COQ8A: variants seen among roughly 807,000 people sequenced by gnomAD.
COQ8A encodes the protein atypical kinase COQ8A, mitochondrial.
COQ8A carries 51 observed loss-of-function variants against 65.0 expected under a neutral mutation model. The ratio of observed to expected loss-of-function variants is 0.78; its 90% CI spans 0.63 to 0.99. COQ8A has a LOEUF of 0.99. Among genes scored for constraint, COQ8A ranks in the 50% least tolerant of loss-of-function variants. The probability of loss-of-function intolerance (pLI) is 0.00; values close to 1 mark genes in which losing one functional copy is unlikely to be tolerated. For missense variants in COQ8A, 940 were observed against 875.0 expected (o/e 1.07, Z -0.94); for synonymous variants, 371 against 353.2 (o/e 1.05, Z -0.57).
chr1:226,970,930 T>G (rs1558195074), intron 4 of COQ8A, among the ~76,000 whole-genome samples: 1 of 152,098 alleles, frequency 6.6e-6, no homozygotes, highest in Non-Finnish European at 1.5e-5. Flanking sequence ...CTTTTAGTTT[T>G]TATTTATTTT....
intron 5 of COQ8A, among the ~76,000 whole-genome samples, chr1:226,979,319 C>T (rs893032714): frequency 2.0e-5 from 3 of 152,210 alleles, no homozygotes; most frequent in South Asian, 2.1e-4. Context: ...GAGTCCCTGC[C>T]GCCTTCTGCC....
chr1:226,984,089 C>T lies in COQ8A; in HGVS notation c.1257-5C>T, dbSNP rs757052741. ...GCTAGGGCGTGACCTCCCTCCCCTACCCAGGGACCTGCTGAAGGGCCACCC... is the reference window on the plus strand; with the variant it reads ...GCTAGGGCGTGACCTCCCTCCCCTATCCAGGGACCTGCTGAAGGGCCACCC... On this transcript the variant is annotated splice_region_variant and splice_polypyrimidine_tract_variant and intron_variant, in intron 10 of 14. Coordinates refer to ENST00000366777, the MANE Select transcript of COQ8A (RefSeq NM_020247.5). The T allele has an allele frequency of 1.9e-6, 3 of 1,613,248 alleles. No homozygotes were observed. Among genetic ancestry groups the T allele is most frequent in the African/African-American group, 1.3e-5 (1 of 74,916 alleles).
chr1:226,956,158 A>T (rs1391808842), intron 1 of COQ8A, among the ~76,000 whole-genome samples: 1 of 98,110 alleles, frequency 1.0e-5, no homozygotes, highest in Admixed American at 1.0e-4. Flanking sequence ...TCCCTGGTTC[A>T]CACTCTCCCT....
Position 226,965,330 on chromosome 1 carries a change from G to C in COQ8A, c.508G>C (p.Val170Leu), listed in dbSNP as rs772022130. 2.5e-6 allele frequency: 4 copies of C among 1,613,472 alleles called. No individual in the cohort carries two copies. The highest frequency in any genetic ancestry group is 1.3e-5 in the African/African-American group (1 of 74,956). The change falls in exon 3 of 15, where the codon GTT becomes CTT. Residue 170 changes from valine to leucine, a missense_variant. Coordinates refer to ENST00000366777, the MANE Select transcript of COQ8A (RefSeq NM_020247.5). ...RRFFHQDQSPVGGLTAEDIEK... is the reference protein window; with the variant it reads ...RRFFHQDQSPLGGLTAEDIEK... ...GTTCTTCCACCAGGACCAATCCCCTGTTGGGGGCCTCACAGCCGAGGACAT... is the reference window on the plus strand; with the variant it reads ...GTTCTTCCACCAGGACCAATCCCCTCTTGGGGGCCTCACAGCCGAGGACAT...
Position 226,965,000 on chromosome 1 carries a change from G to A in COQ8A, c.178G>A (p.Gly60Ser), listed in dbSNP as rs369252071. 6.2e-7 allele frequency: 1 copy of A among 1,613,910 alleles called. No individual in the cohort carries two copies. The highest frequency in any genetic ancestry group is 1.3e-5 in the African/African-American group (1 of 75,056). The change falls in exon 3 of 15, where the codon GGT (glycine) becomes AGT (serine). Residue 60 changes from glycine to serine, a missense_variant and splice_region_variant. Coordinates refer to ENST00000366777, the MANE Select transcript of COQ8A (RefSeq NM_020247.5). ...TAATGCTGGCCTTTGCTCCCTGCAGGGTCAGGATAAACATGAAGAATATTT... is the reference window on the plus strand; with the variant it reads ...TAATGCTGGCCTTTGCTCCCTGCAGAGTCAGGATAAACATGAAGAATATTT... ...QIGMFLGKVQ[G>S]QDKHEEYFAE... is the part of the protein sequence containing the mutation.
intron 1 of COQ8A, among the ~76,000 whole-genome samples, chr1:226,952,209 G>T (rs547654602): frequency 1.3e-5 from 2 of 152,258 alleles, no homozygotes; most frequent in South Asian, 2.1e-4. Context: ...CATCCGCCTG[G>T]TGGCCTGTTA....
At chr1:226,958,199 T>C (rs1657927830) in intron 1 of COQ8A, 3 of 152,116 alleles carry the variant, frequency 2.0e-5, no homozygotes, top group Admixed American at 2.0e-4. Context: ...GCCATCGCCA[T>C]AGTATAGCCA....
At chr1:226,982,615 C>G (rs1456284320) in intron 6 of COQ8A, 63 bp from the exon 7 acceptor site, 1 of 1,571,534 alleles carries the variant, frequency 6.4e-7, no homozygotes, top group Admixed American at 1.7e-5. Flanking sequence ...AGTGTGCCCG[C>G]CCAGGTCCTG....
intron 11 of COQ8A, 76 bp from the exon 12 acceptor site, chr1:226,984,472 G>T: frequency 7.2e-7 from 1 of 1,396,584 alleles, no homozygotes; most frequent in Non-Finnish European, 1.0e-6. Context: ...GGAGGCAGGG[G>T]CTTCTCTGGC....
chr1:226,974,316 A>G (rs1659064233), intron 4 of COQ8A, among the ~76,000 whole-genome samples: 1 of 152,232 alleles, frequency 6.6e-6, no homozygotes, highest in South Asian at 2.1e-4. Context: ...TTCCTGGAAC[A>G]GGCCAGGAGG....
Position 226,985,243 on chromosome 1 carries a change from C to G in COQ8A, c.1573-11C>G. On this transcript the variant is annotated splice_polypyrimidine_tract_variant and intron_variant, in intron 13 of 14. Coordinates refer to ENST00000366777, the MANE Select transcript of COQ8A (RefSeq NM_020247.5). ...ATGCTGCCCACGGTCCCCTCCTGTG[C>G]CTCTCCCCAGATCATCAGGGCTGCT... The G allele has an allele frequency of 6.2e-7, 1 of 1,613,002 alleles. No homozygotes were observed. The highest frequency in any genetic ancestry group is 8.5e-7 in the Non-Finnish European group (1 of 1,179,842).
chr1:226,941,606 A>G (rs1656696836), intron 1 of COQ8A, among the ~76,000 whole-genome samples: 1 of 140,320 alleles, frequency 7.1e-6, no homozygotes, highest in Non-Finnish European at 1.5e-5. Context: ...GTCTCTACCG[A>G]AAAAAAAAAA....
intron 14 of COQ8A, 73 bp from the exon 15 acceptor site, chr1:226,986,380 A>C: frequency 1.3e-6 from 2 of 1,532,816 alleles, no homozygotes; most frequent in Non-Finnish European, 1.8e-6. Context: ...CGCCCCGGGC[A>C]CTGTGGGAGG....
intron 5 of COQ8A, among the ~76,000 whole-genome samples, chr1:226,981,479 C>T (rs1002118243): frequency 6.6e-6 from 1 of 152,234 alleles, no homozygotes; most frequent in Non-Finnish European, 1.5e-5. Flanking sequence ...GAGACGGGCA[C>T]CCCTGGGCTG....
rs1657062842 is a variant in COQ8A at position 226,946,643 on chromosome 1, T to G, written c.-10+6244T>G. Reference sequence around the variant, plus strand: ...TTGTTGTCTGTCTAGGATTGCCCCTTGTCTGGGTTAACTGGGTGATTTTAA... The same window carrying G: ...TTGTTGTCTGTCTAGGATTGCCCCTGGTCTGGGTTAACTGGGTGATTTTAA... On this transcript the variant is annotated intron_variant, in intron 1 of 14. Transcript: ENST00000366777. The surrounding 1 kb of genome is among the most constrained non-coding windows in gnomAD (Gnocchi z 5.3). Among the ~76,000 whole-genome samples the G allele has an allele frequency of 6.6e-6, 1 of 152,230 alleles. No individual in the cohort carries two copies. The highest frequency in any genetic ancestry group is 1.5e-5 in the Non-Finnish European group (1 of 68,038).
At chr1:226,959,451 G>A (rs966122141) in intron 1 of COQ8A, among the ~76,000 whole-genome samples, 9 of 151,986 alleles carry the variant, frequency 5.9e-5, no homozygotes, top group African/African-American at 1.9e-4. Context: ...ATGTTGATGA[G>A]GTGTGAAGGG....
chr1:226,975,515 A>C (rs1036069291), intron 4 of COQ8A, among the ~76,000 whole-genome samples: 2 of 152,242 alleles, frequency 1.3e-5, no homozygotes, highest in Non-Finnish European at 2.9e-5. Context: ...TGTTGAAATG[A>C]TAACATTTTG....
At chr1:226,948,695 G>A (rs2148009293) in intron 1 of COQ8A, among the ~76,000 whole-genome samples, 1 of 152,302 alleles carries the variant, frequency 6.6e-6, no homozygotes, top group Admixed American at 6.5e-5. Context: ...GTGTGTGTGG[G>A]TGGAGTGGGA....
chr1:226,981,155 G>C (rs1326618925), intron 5 of COQ8A, among the ~76,000 whole-genome samples: 1 of 152,250 alleles, frequency 6.6e-6, no homozygotes, highest in African/African-American at 2.4e-5. Context: ...GGAACTCAGG[G>C]AAGGTGGAAA....
Sources: gnomAD v4.1 joint callset for allele counts (sites outside exome capture counted in the v4.1 genomes callset) on GRCh38, gnomAD v4.1.1 for gene constraint, Gnocchi (gnomAD v3.1) non-coding constraint, MANE v1.5 for transcripts, NCBI Gene and HGNC (gene_info 2026-07-23, HGNC 2026-07-21) for gene names.